The following TTC28 variants were observed in gnomAD, a reference collection of about 807,000 sequenced individuals.
TTC28 encodes the protein tetratricopeptide repeat protein 28.
TTC28 carries 61 observed loss-of-function variants against 198.0 expected under a neutral mutation model. That is an observed-to-expected ratio of 0.31 (90% CI 0.25 to 0.38). TTC28 has a LOEUF of 0.38. Ranked by LOEUF, TTC28 falls within the 10% of genes least tolerant of loss-of-function variation. TTC28 has a pLI of 1.00. For synonymous variants in TTC28, 1,171 were observed against 1,297.8 expected (o/e 0.90, Z 2.10); for missense variants, 2,678 against 3,164.0 (o/e 0.85, Z 3.69).
At chr22:28,473,247 C>T (rs1270678578) in intron 2 of TTC28, among the ~76,000 whole-genome samples, 2 of 152,132 alleles carry the variant, frequency 1.3e-5, no homozygotes, top group Non-Finnish European at 2.9e-5. Context: ...TGTTGAGGTC[C>T]TAATCCTCAG....
At chr22:28,273,676 A>C (rs1170867524) in intron 5 of TTC28, among the ~76,000 whole-genome samples, 2 of 152,184 alleles carry the variant, frequency 1.3e-5, no homozygotes, top group Non-Finnish European at 2.9e-5. Flanking sequence ...ATGGAGCTGA[A>C]GCAGTATTTG....
intron 2 of TTC28, among the ~76,000 whole-genome samples, chr22:28,319,078 T>C (rs1266048670): frequency 6.6e-6 from 1 of 152,128 alleles, no homozygotes; most frequent in Non-Finnish European, 1.5e-5. Flanking sequence ...TCCTCTCACC[T>C]CAACCTCCCA....
intron 5 of TTC28, among the ~76,000 whole-genome samples, chr22:28,210,324 G>A (rs766099435): frequency 2.5e-4 from 38 of 152,150 alleles, no homozygotes; most frequent in Non-Finnish European, 2.1e-4. Context: ...GGCTTCAGAC[G>A]ATCGGTAATA....
At chr22:28,405,745 G>A (rs2046989232) in intron 2 of TTC28, among the ~76,000 whole-genome samples, 1 of 152,216 alleles carries the variant, frequency 6.6e-6, no homozygotes, top group African/African-American at 2.4e-5. Flanking sequence ...GGGAAGAGGT[G>A]CTGAAAGCAC....
At chr22:28,404,923 C>G (rs1260620402) in intron 2 of TTC28, among the ~76,000 whole-genome samples, 2 of 152,174 alleles carry the variant, frequency 1.3e-5, no homozygotes, top group Admixed American at 6.5e-5. Flanking sequence ...ATGTTACTTT[C>G]TAATACTTCC....
intron 13 of TTC28, among the ~76,000 whole-genome samples, chr22:28,018,746 A>G (rs1313551117): frequency 6.6e-6 from 1 of 152,118 alleles, no homozygotes; most frequent in Admixed American, 6.5e-5. Context: ...CAAGGCCAAG[A>G]GCTACTGAGG....
chr22:28,024,307 T>C (rs1458251914), intron 13 of TTC28, among the ~76,000 whole-genome samples: 2 of 152,164 alleles, frequency 1.3e-5, no homozygotes, highest in East Asian at 3.9e-4. Flanking sequence ...TTTGAGACAG[T>C]GCCTCAGGGG....
chr22:28,277,210 GA>G (rs1400412732), intron 5 of TTC28, among the ~76,000 whole-genome samples: 2 of 152,180 alleles, frequency 1.3e-5, no homozygotes, highest in African/African-American at 4.8e-5. Flanking sequence ...TATGTATTAT[GA>G]AATAAAAGCA....
At chr22:28,160,416 A>G (rs1921036046) in intron 6 of TTC28, among the ~76,000 whole-genome samples, 1 of 152,334 alleles carries the variant, frequency 6.6e-6, no homozygotes, top group African/African-American at 2.4e-5. Context: ...AAATAACAGA[A>G]AAGAATCAAG....
chr22:28,226,337 A>G (rs1174129507), intron 5 of TTC28, among the ~76,000 whole-genome samples: 1 of 152,088 alleles, frequency 6.6e-6, no homozygotes, highest in African/African-American at 2.4e-5. Context: ...TAGCCATTCT[A>G]ATGGGCATGT....
chr22:28,014,433 G>C, intron 13 of TTC28, 41 bp from the exon 14 acceptor site: 4 of 1,509,844 alleles, frequency 2.6e-6, no homozygotes, highest in Non-Finnish European at 3.6e-6. Flanking sequence ...GGGCCACTCA[G>C]ACAGGCAAAG....
chr22:28,608,484 A>G (rs1160394604), intron 2 of TTC28, among the ~76,000 whole-genome samples: 1 of 152,238 alleles, frequency 6.6e-6, no homozygotes, highest in African/African-American at 2.4e-5. Context: ...ATGCAGCAAT[A>G]CATATCAGGT....
intron 2 of TTC28, among the ~76,000 whole-genome samples, chr22:28,333,801 T>A (rs1293052138): frequency 6.6e-6 from 1 of 152,098 alleles, no homozygotes; most frequent in African/African-American, 2.4e-5. Context: ...CATAATTTTG[T>A]ACCGAACTTG....
At chr22:28,020,173 C>T (rs928256363) in intron 13 of TTC28, among the ~76,000 whole-genome samples, 5 of 152,190 alleles carry the variant, frequency 3.3e-5, no homozygotes, top group African/African-American at 9.7e-5. Context: ...GCTGCGGCTC[C>T]GGGCTTCACA....
chr22:28,334,931 T>G (rs1446841322), intron 2 of TTC28, among the ~76,000 whole-genome samples: 1 of 152,212 alleles, frequency 6.6e-6, no homozygotes, highest in East Asian at 1.9e-4. Context: ...TCCTTGGCCA[T>G]GCCTATGTCC....
At chr22:28,125,832 T>A (rs544971261) in intron 6 of TTC28, among the ~76,000 whole-genome samples, 61 of 152,254 alleles carry the variant, frequency 4.0e-4, no homozygotes, top group African/African-American at 1.3e-3. Context: ...ATAAAAAAAA[T>A]GTTGCATAGC....
chr22:28,556,529 A>G (rs1054285202), intron 2 of TTC28, among the ~76,000 whole-genome samples: 1 of 152,204 alleles, frequency 6.6e-6, no homozygotes, highest in African/African-American at 2.4e-5. Flanking sequence ...TAAGTAATCC[A>G]TCTTTTCTTT....
intron 5 of TTC28, among the ~76,000 whole-genome samples, chr22:28,217,409 C>A (rs1376199157): frequency 1.3e-5 from 2 of 152,150 alleles, no homozygotes; most frequent in East Asian, 3.8e-4. Context: ...CAAGTCACAT[C>A]TAATTTATGG....
At position 28,629,776 on chromosome 22, in the gene TTC28, G is replaced by A; in HGVS notation, c.157C>T (p.Leu53=). 5 of 1,551,730 alleles carry A rather than the reference G, an allele frequency of 3.2e-6. No individual in the cohort carries two copies. Among genetic ancestry groups the A allele is most frequent in the Non-Finnish European group, 4.4e-6 (5 of 1,146,990 alleles). The change falls in exon 2 of 23, where the codon CTG becomes TTG. Residue 53 remains leucine, a synonymous_variant. Coordinates refer to ENST00000397906, the MANE Select transcript of TTC28 (RefSeq NM_001145418.2). Reference sequence around the variant, plus strand: ...TTCTCAACAAATTCAGCTTTGCTCAGTACCGGTCCATCAGGACTTCTCTGG... The same window carrying A: ...TTCTCAACAAATTCAGCTTTGCTCAATACCGGTCCATCAGGACTTCTCTGG... ...IGQRSPDGPV[L]SKAEFVEKVR...
Sources: allele counts gnomAD v4.1 joint callset (sites outside exome capture counted in the v4.1 genomes callset), GRCh38; gene constraint gnomAD v4.1.1; transcripts MANE v1.5; gene names NCBI Gene and HGNC (gene_info 2026-07-23, HGNC 2026-07-21).